The following SLC24A3 variants were observed in gnomAD, a reference collection of about 807,000 sequenced individuals.
The protein encoded by SLC24A3 is sodium/potassium/calcium exchanger 3.
In SLC24A3, 28 loss-of-function variants were observed where a neutral mutation model predicts 75.8. The ratio of observed to expected loss-of-function variants is 0.37; its 90% confidence interval spans 0.27 to 0.51. The LOEUF (loss-of-function observed/expected upper bound fraction) is 0.51, where lower values mean the gene tolerates loss of function less well. Among genes scored for constraint, SLC24A3 ranks in the 20% least tolerant of loss-of-function variants. The pLI is 0.94. For synonymous variants in SLC24A3, 372 were observed against 334.1 expected (o/e 1.11, Z -1.24); for missense variants, 663 against 847.8 (o/e 0.78, Z 2.71).
chr20:19,263,238 C>G (rs1181781599), intron 1 of SLC24A3, among the ~76,000 whole-genome samples: 8 of 152,094 alleles, frequency 5.3e-5, no homozygotes. Context: ...TCTCATGTGG[C>G]TTTGGAGAGA....
intron 4 of SLC24A3, 45 bp downstream of exon 4, chr20:19,580,119 T>C (rs1371765618): frequency 1.3e-6 from 2 of 1,536,946 alleles, no homozygotes; most frequent in Non-Finnish European, 1.8e-6. Flanking sequence ...GACTGGGGAC[T>C]GGACCTGTGC....
intron 2 of SLC24A3, among the ~76,000 whole-genome samples, chr20:19,497,515 GT>G (rs1988310796): frequency 2.0e-5 from 3 of 152,178 alleles, no homozygotes; most frequent in Admixed American, 2.0e-4. Flanking sequence ...AATTCCACAT[GT>G]TTTGCAGATG....
chr20:19,654,334 C>T (rs1229559506), intron 7 of SLC24A3, among the ~76,000 whole-genome samples, 198 bp downstream of exon 7: 5 of 152,078 alleles, frequency 3.3e-5, no homozygotes, highest in African/African-American at 7.2e-5. Context: ...TGGTCAGAGC[C>T]GGCATTTAGA....
At chr20:19,547,369 G>A (rs1411971574) in intron 3 of SLC24A3, among the ~76,000 whole-genome samples, 1 of 152,204 alleles carries the variant, frequency 6.6e-6, no homozygotes, top group Non-Finnish European at 1.5e-5. Context: ...TTGGTGACCT[G>A]AAGATGAGGA....
chr20:19,500,260 A>G (rs11907650), intron 2 of SLC24A3, among the ~76,000 whole-genome samples: 26,574 of 151,980 alleles, frequency 0.17, 2,829 homozygotes, highest in African/African-American at 0.3. Flanking sequence ...AGGAAATGCC[A>G]CTCTCTCCAG....
chr20:19,274,843 G>A (rs1162226570), intron 1 of SLC24A3, among the ~76,000 whole-genome samples: 1 of 152,192 alleles, frequency 6.6e-6, no homozygotes, highest in African/African-American at 2.4e-5. Context: ...GTGAAGACCC[G>A]GGTTGTACAG....
chr20:19,251,860 G>T (rs1982665889), intron 1 of SLC24A3, among the ~76,000 whole-genome samples: 1 of 152,180 alleles, frequency 6.6e-6, no homozygotes, highest in African/African-American at 2.4e-5. Flanking sequence ...GGGCATGAAG[G>T]GGGCCCCTCC....
At chr20:19,608,082 C>A (rs1459658866) in intron 6 of SLC24A3, among the ~76,000 whole-genome samples, 1 of 152,244 alleles carries the variant, frequency 6.6e-6, no homozygotes, top group Admixed American at 6.5e-5. Flanking sequence ...TCCTTCAAAT[C>A]TGTAGTCTGT....
intron 6 of SLC24A3, among the ~76,000 whole-genome samples, chr20:19,607,705 A>G (rs1336960167): frequency 2.0e-5 from 3 of 152,116 alleles, no homozygotes; most frequent in Non-Finnish European, 4.4e-5. Context: ...CCACTGCACC[A>G]TACACTCCAG....
intron 6 of SLC24A3, among the ~76,000 whole-genome samples, chr20:19,620,185 C>T (rs537020089): frequency 6.6e-6 from 1 of 152,284 alleles, no homozygotes; most frequent in South Asian, 2.1e-4. Context: ...ACCCATGACA[C>T]CTTTACTAGT....
chr20:19,632,408 A>G (rs1303770892), intron 6 of SLC24A3, among the ~76,000 whole-genome samples: 1 of 152,088 alleles, frequency 6.6e-6, no homozygotes, highest in African/African-American at 2.4e-5. Flanking sequence ...TCTAGCGGCC[A>G]CCTACCTTCC....
intron 9 of SLC24A3, among the ~76,000 whole-genome samples, chr20:19,677,292 C>T (rs62200293): frequency 1.3e-4 from 15 of 115,528 alleles, no homozygotes; most frequent in Non-Finnish European, 2.1e-4. Flanking sequence ...AGACCCCGTT[C>T]CAAAAAAAAA....
chr20:19,327,533 G>A (rs923010729), intron 2 of SLC24A3, among the ~76,000 whole-genome samples: 1 of 152,196 alleles, frequency 6.6e-6, no homozygotes. Flanking sequence ...CTTCTGACAA[G>A]GGTTGTACAA....
At chr20:19,361,642 C>A (rs1288152538) in intron 2 of SLC24A3, among the ~76,000 whole-genome samples, 1 of 152,142 alleles carries the variant, frequency 6.6e-6, no homozygotes, top group Non-Finnish European at 1.5e-5. Context: ...TGAATTGTAT[C>A]TCAGCAGAAA....
chr20:19,426,980 C>A (rs1221547142), intron 2 of SLC24A3, among the ~76,000 whole-genome samples: 1 of 152,074 alleles, frequency 6.6e-6, no homozygotes, highest in Middle Eastern at 3.2e-3. Context: ...GGGAAGCAGG[C>A]AGTTTGGTGT....
intron 1 of SLC24A3, among the ~76,000 whole-genome samples, chr20:19,225,878 A>G (rs1224820149): frequency 1.3e-5 from 2 of 152,136 alleles, no homozygotes; most frequent in Non-Finnish European, 2.9e-5. Context: ...TTAATTTATG[A>G]ACAGAGTTGC....
At chr20:19,267,986 A>G (rs1050539773) in intron 1 of SLC24A3, among the ~76,000 whole-genome samples, 1 of 152,230 alleles carries the variant, frequency 6.6e-6, no homozygotes, top group East Asian at 1.9e-4. Context: ...TTGCCAAAAG[A>G]CAATCAATGG....
chr20:19,427,544 A>G (rs1987031670), intron 2 of SLC24A3, among the ~76,000 whole-genome samples: 1 of 152,234 alleles, frequency 6.6e-6, no homozygotes, highest in Admixed American at 6.5e-5. Flanking sequence ...GGCTGGGGGA[A>G]AAGGTAGGTG....
chr20:19,505,270 T>C (rs1281520784), intron 2 of SLC24A3, among the ~76,000 whole-genome samples: 4 of 152,194 alleles, frequency 2.6e-5, no homozygotes, highest in Non-Finnish European at 5.9e-5. Flanking sequence ...AGGCAGTTTC[T>C]CAATCTGCAT....
Sources: gnomAD v4.1 joint callset for allele counts (sites outside exome capture counted in the v4.1 genomes callset) on GRCh38, gnomAD v4.1.1 for gene constraint, MANE v1.5 for transcripts, NCBI Gene and HGNC (gene_info 2026-07-23, HGNC 2026-07-21) for gene names.